CGNL1: variants seen among roughly 807,000 people sequenced by gnomAD.
CGNL1 encodes cingulin like 1.
Under a neutral mutation model 141.2 loss-of-function variants are expected in CGNL1, and 132 were observed. The observed-to-expected ratio is 0.93, with a 90% confidence interval of 0.81 to 1.08. CGNL1 has a LOEUF of 1.08. Ranked by LOEUF, CGNL1 falls within the 50% of genes least tolerant of loss-of-function variation. The pLI, the probability that CGNL1 is intolerant of heterozygous loss-of-function variation, is 0.00. For synonymous variants in CGNL1, 690 were observed against 622.1 expected (o/e 1.11, Z -1.63); for missense variants, 1,870 against 1,588.6 (o/e 1.18, Z -3.01).
intron 1 of CGNL1, among the ~76,000 whole-genome samples, chr15:57,411,704 C>CA (rs1184274195): frequency 1.3e-5 from 2 of 151,868 alleles, no homozygotes; most frequent in Non-Finnish European, 2.9e-5. Flanking sequence ...CTCAGCCTCC[C>CA]AAAGTGCTGG....
chr15:57,521,531 C>T (rs1184377810), intron 10 of CGNL1, among the ~76,000 whole-genome samples: 1 of 152,188 alleles, frequency 6.6e-6, no homozygotes, highest in Admixed American at 6.5e-5. Context: ...GAAAGTCTCT[C>T]CCTTGCCTTT....
At chr15:57,394,099 C>CTTTTTTTTTTTTTT (rs1555429893) in intron 1 of CGNL1, 6 of 34,156 alleles carry the variant, frequency 1.8e-4, no homozygotes, top group Admixed American at 7.2e-4. Context: ...AGGGTAATTT[C>CTTTTTTTTTTTTTT]TGTTTGTTTT....
intron 1 of CGNL1, among the ~76,000 whole-genome samples, chr15:57,400,876 C>T (rs376676584): frequency 5.9e-5 from 8 of 135,828 alleles, no homozygotes; most frequent in African/African-American, 2.3e-4. Context: ...GAATGAGACC[C>T]TGTCTCAAAT....
rs148931606 is a variant in CGNL1 at position 57,403,072 on chromosome 15, A to G, written c.-16+26505A>G. 5.6e-3 allele frequency among the ~76,000 whole-genome samples: 847 copies of G among 152,330 alleles called. 11 individuals carry two copies. Among genetic ancestry groups the G allele is most frequent in the African/African-American group, 0.02 (815 of 41,572 alleles). ...GGCCACCATTGAATCCTTTGCTATC[A>G]TTTGGAGGCTGTACTTTCCACAATG... is the stretch of plus-strand genomic sequence containing the variant. On this transcript the variant is annotated intron_variant, in intron 1 of 18. Transcript: ENST00000281282.
chr15:57,546,059 A>G lies in CGNL1; in HGVS notation c.3610-17A>G, dbSNP rs1298685202. ...GGCCATCAGCCGGCACTCAGCCCACATTCTCTCCCGGTGCAGCTGAGCTTG... is the reference window on the plus strand; with the variant it reads ...GGCCATCAGCCGGCACTCAGCCCACGTTCTCTCCCGGTGCAGCTGAGCTTG... On this transcript the variant is annotated splice_polypyrimidine_tract_variant and intron_variant, in intron 17 of 18. Coordinates refer to ENST00000281282, the MANE Select transcript of CGNL1 (RefSeq NM_032866.5). The G allele has an allele frequency of 1.9e-6, 3 of 1,606,540 alleles. No individual in the cohort carries two copies. The highest frequency in any genetic ancestry group is 1.7e-6 in the Non-Finnish European group (2 of 1,176,254).
intron 1 of CGNL1, among the ~76,000 whole-genome samples, chr15:57,392,429 C>T (rs2062553695): frequency 6.6e-6 from 1 of 152,084 alleles, no homozygotes; most frequent in South Asian, 2.1e-4. Flanking sequence ...CTAGTAGAGA[C>T]AAAAACTCAT....
At position 57,528,717 on chromosome 15, in the gene CGNL1, A is replaced by G; in HGVS notation, c.3103A>G (p.Arg1035Gly). The stretch of plus-strand genomic sequence containing the variant: ...AGCTCAGGATGAAGCACTCACAAAA[A>G]GGCAGCTTCTGGAGCAGACGCTGAA... Reference protein sequence around the residue: ...QRAQDEALTKRQLLEQTLKDL... With the variant: ...QRAQDEALTKGQLLEQTLKDL... The change falls in exon 13 of 19, where the codon AGG becomes GGG. Residue 1035 changes from arginine (R) to glycine (G), a missense_variant. Transcript: ENST00000281282. The G allele has an allele frequency of 1.2e-6, 2 of 1,614,180 alleles. No homozygotes were observed. The highest frequency in any genetic ancestry group is 2.2e-5 in the South Asian group (2 of 91,080).
intron 8 of CGNL1, among the ~76,000 whole-genome samples, chr15:57,503,865 A>T (rs1215367818): frequency 6.6e-6 from 1 of 152,152 alleles, no homozygotes; most frequent in Admixed American, 6.5e-5. Context: ...CCCATGATTC[A>T]ATTACCTTCC....
At chr15:57,446,787 T>C (rs1219155351) in intron 4 of CGNL1, among the ~76,000 whole-genome samples, 2 of 152,162 alleles carry the variant, frequency 1.3e-5, no homozygotes, top group African/African-American at 4.8e-5. Context: ...CAAATGATTT[T>C]ACACAGTGAT....
At chr15:57,448,600 A>T (rs1314879069) in intron 4 of CGNL1, among the ~76,000 whole-genome samples, 9 of 152,104 alleles carry the variant, frequency 5.9e-5, no homozygotes, top group African/African-American at 2.2e-4. Context: ...GTGAGCCAAG[A>T]TCTGGCCAAT....
chr15:57,484,189 T>C (rs1355466499), intron 8 of CGNL1, among the ~76,000 whole-genome samples: 1 of 152,240 alleles, frequency 6.6e-6, no homozygotes, highest in African/African-American at 2.4e-5. Flanking sequence ...ATGTTTATTC[T>C]TTTTTGAACA....
intron 7 of CGNL1, among the ~76,000 whole-genome samples, chr15:57,457,557 A>G (rs2152328812): frequency 6.6e-6 from 1 of 152,302 alleles, no homozygotes; most frequent in South Asian, 2.1e-4. Flanking sequence ...AGACTGGGCA[A>G]CTTACACAAG....
intron 8 of CGNL1, among the ~76,000 whole-genome samples, chr15:57,468,260 A>G (rs2063535749): frequency 1.6e-5 from 1 of 61,948 alleles, no homozygotes; most frequent in Non-Finnish European, 2.9e-5. Context: ...TTTTTTTTTG[A>G]GACAGAGTCT....
Position 57,475,492 on chromosome 15 carries a change from G to GGTGTGT in CGNL1, c.2403+13639_2403+13644dup, listed in dbSNP as rs72168222. On this transcript the variant is annotated intron_variant, in intron 8 of 18. Coordinates refer to ENST00000281282, the MANE Select transcript of CGNL1 (RefSeq NM_032866.5). ...CTGGGATCTATGTATATACAAGTGT[G>GGTGTGT]GTGTGTGTGTGTGTGTGTGTGTGTG... Among the ~76,000 whole-genome samples the GGTGTGT allele has an allele frequency of 4.6e-3, 680 of 147,896 alleles. 9 individuals carry two copies. Among genetic ancestry groups the GGTGTGT allele is most frequent in the African/African-American group, 0.016 (639 of 39,670 alleles).
intron 1 of CGNL1, among the ~76,000 whole-genome samples, chr15:57,426,317 G>C (rs2062973180): frequency 1.3e-5 from 2 of 152,098 alleles, no homozygotes; most frequent in Admixed American, 1.3e-4. Context: ...GCTAATTTTT[G>C]TATTTTTAGT....
intron 1 of CGNL1, among the ~76,000 whole-genome samples, chr15:57,413,592 T>A (rs1262035589): frequency 1.3e-5 from 2 of 152,222 alleles, no homozygotes; most frequent in African/African-American, 4.8e-5. Flanking sequence ...GGCCAGCATC[T>A]CAGTAGGGAA....
chr15:57,528,890 G>T, intron 13 of CGNL1, 75 bp downstream of exon 13: 1 of 1,486,162 alleles, frequency 6.7e-7, no homozygotes. Context: ...CAGCCTCTTT[G>T]CTCTCAGCTC....
At chr15:57,546,292 C>G (rs116524916) in intron 18 of CGNL1, 53 bp downstream of exon 18, 6 of 1,500,410 alleles carry the variant, frequency 4.0e-6, no homozygotes, top group Non-Finnish European at 5.4e-6. Flanking sequence ...ACAGTTGAGA[C>G]AGGCTCTGCT....
chr15:57,432,563 G>A (rs1313305763), intron 1 of CGNL1, among the ~76,000 whole-genome samples: 2 of 152,162 alleles, frequency 1.3e-5, no homozygotes, highest in South Asian at 2.1e-4. Context: ...GCATCCTGGC[G>A]ATTGATCAGC....
Sources: gnomAD v4.1 joint callset for allele counts (sites outside exome capture counted in the v4.1 genomes callset) on GRCh38, gnomAD v4.1.1 for gene constraint, MANE v1.5 for transcripts, NCBI Gene and HGNC (gene_info 2026-07-23, HGNC 2026-07-21) for gene names.